STXBP5L: variants seen among roughly 807,000 people sequenced by gnomAD.
STXBP5L encodes the protein syntaxin-binding protein 5-like.
Under a neutral mutation model 144.5 loss-of-function variants are expected in STXBP5L, and 65 were observed. The observed-to-expected ratio is 0.45, with a 90% CI of 0.37 to 0.55. The LOEUF is 0.55. STXBP5L is among the 20% of genes least tolerant of loss of function. The probability of loss-of-function intolerance (pLI) is 0.00; values close to 1 mark genes in which losing one functional copy is unlikely to be tolerated. For synonymous variants in STXBP5L, 505 were observed against 469.6 expected (o/e 1.08, Z -0.97); for missense variants, 1,298 against 1,405.5 (o/e 0.92, Z 1.22).
At chr3:121,380,130 A>C (rs2046289725) in intron 21 of STXBP5L, among the ~76,000 whole-genome samples, 1 of 152,098 alleles carries the variant, frequency 6.6e-6, no homozygotes, top group Non-Finnish European at 1.5e-5. Flanking sequence ...ACTCTCAATC[A>C]CTGTAATGAG....
At chr3:121,399,545 A>G in intron 22 of STXBP5L, among the ~76,000 whole-genome samples, 1 of 152,206 alleles carries the variant, frequency 6.6e-6, no homozygotes, top group East Asian at 1.9e-4. Context: ...AGTCATTAGC[A>G]TTGTTTCTAT....
At chr3:121,228,236 A>C (rs576586416) in intron 11 of STXBP5L, among the ~76,000 whole-genome samples, 1 of 152,218 alleles carries the variant, frequency 6.6e-6, no homozygotes, top group South Asian at 2.1e-4. Flanking sequence ...CCCAACAAGG[A>C]CAGCATGAAG....
At chr3:121,170,949 A>C (rs1357383738) in intron 9 of STXBP5L, among the ~76,000 whole-genome samples, 1 of 152,240 alleles carries the variant, frequency 6.6e-6, no homozygotes, top group African/African-American at 2.4e-5. Context: ...TCAATAAAAT[A>C]CTGGTAAACC....
intron 20 of STXBP5L, among the ~76,000 whole-genome samples, chr3:121,355,623 G>C (rs780423473): frequency 6.6e-6 from 1 of 152,000 alleles, no homozygotes; most frequent in Non-Finnish European, 1.5e-5. Flanking sequence ...CCTTGTGATG[G>C]GTTCTAACCT....
At chr3:121,044,415 C>G (rs1421316967) in intron 4 of STXBP5L, among the ~76,000 whole-genome samples, 3 of 152,076 alleles carry the variant, frequency 2.0e-5, no homozygotes, top group African/African-American at 7.2e-5. Flanking sequence ...TAAATGCTAG[C>G]AATTTCAATA....
chr3:121,262,207 A>C (rs1298820634), intron 18 of STXBP5L, among the ~76,000 whole-genome samples: 45 of 152,334 alleles, frequency 3.0e-4, no homozygotes, highest in Non-Finnish European at 2.9e-5. Context: ...AGACCATAAC[A>C]TTGTGACCTT....
intron 18 of STXBP5L, among the ~76,000 whole-genome samples, chr3:121,275,084 T>G (rs1417647503): frequency 1.3e-5 from 2 of 152,206 alleles, no homozygotes; most frequent in African/African-American, 4.8e-5. Flanking sequence ...TTCCAGGTAC[T>G]CATCTGTTCT....
chr3:121,204,018 T>C (rs1385310419), intron 9 of STXBP5L, among the ~76,000 whole-genome samples: 1 of 152,072 alleles, frequency 6.6e-6, no homozygotes, highest in Admixed American at 6.6e-5. Flanking sequence ...AACAGGTGGA[T>C]CACGAGGTCA....
chr3:121,169,483 G>T (rs1577104105), intron 9 of STXBP5L, among the ~76,000 whole-genome samples: 1 of 152,082 alleles, frequency 6.6e-6, no homozygotes, highest in South Asian at 2.1e-4. Context: ...CAAAATAAAG[G>T]GATGGAGGAA....
At chr3:121,384,404 T>C (rs1051176617) in intron 22 of STXBP5L, among the ~76,000 whole-genome samples, 1 of 151,972 alleles carries the variant, frequency 6.6e-6, no homozygotes, top group African/African-American at 2.4e-5. Context: ...TGGCTCACAA[T>C]TGTAATCTCA....
chr3:121,020,699 A>T (rs1334412210), intron 3 of STXBP5L, among the ~76,000 whole-genome samples: 1 of 152,168 alleles, frequency 6.6e-6, no homozygotes, highest in Non-Finnish European at 1.5e-5. Flanking sequence ...TCTTTTTCAG[A>T]CAAACAAATT....
At chr3:121,230,128 G>A (rs1449679810) in intron 11 of STXBP5L, among the ~76,000 whole-genome samples, 2 of 152,232 alleles carry the variant, frequency 1.3e-5, no homozygotes, top group Admixed American at 1.3e-4. Context: ...TTAGCAGTGT[G>A]CTGAGATTAC....
chr3:120,979,002 A>T (rs996241949), intron 3 of STXBP5L, among the ~76,000 whole-genome samples: 1 of 152,060 alleles, frequency 6.6e-6, no homozygotes, highest in Non-Finnish European at 1.5e-5. Context: ...GGGGTCAGGG[A>T]CCCACTTGAG....
intron 7 of STXBP5L, among the ~76,000 whole-genome samples, chr3:121,144,101 A>T (rs545972754): frequency 6.6e-6 from 1 of 151,156 alleles, no homozygotes; most frequent in East Asian, 1.9e-4. Context: ...TAAAGCGTTA[A>T]TCTGCAAAAT....
chr3:121,100,796 C>CAA (rs536326221), intron 5 of STXBP5L, among the ~76,000 whole-genome samples: 1 of 131,142 alleles, frequency 7.6e-6, no homozygotes. Context: ...AATATATCGA[C>CAA]AAAAAAAAAA....
chr3:121,023,718 A>G (rs1331026240), intron 3 of STXBP5L, among the ~76,000 whole-genome samples: 1 of 152,200 alleles, frequency 6.6e-6, no homozygotes, highest in African/African-American at 2.4e-5. Flanking sequence ...CACTTTATAC[A>G]AAAATCAGCT....
intron 2 of STXBP5L, among the ~76,000 whole-genome samples, chr3:120,951,485 G>T (rs1210968951): frequency 2.6e-5 from 4 of 151,734 alleles, no homozygotes; most frequent in African/African-American, 4.8e-5. Context: ...CCATCAAAAA[G>T]TGGGCGAAGG....
intron 5 of STXBP5L, among the ~76,000 whole-genome samples, chr3:121,054,372 A>G (rs1254260412): frequency 6.6e-6 from 1 of 152,124 alleles, no homozygotes; most frequent in Non-Finnish European, 1.5e-5. Context: ...CTGGATGAAG[A>G]AAATGTGGCA....
intron 20 of STXBP5L, among the ~76,000 whole-genome samples, chr3:121,319,768 C>T (rs548340636): frequency 2.6e-4 from 40 of 152,154 alleles, no homozygotes; most frequent in South Asian, 2.5e-3. Flanking sequence ...TATAAATCTT[C>T]GATATAAAAT....
Sources: allele counts gnomAD v4.1 joint callset (sites outside exome capture counted in the v4.1 genomes callset), GRCh38; gene constraint gnomAD v4.1.1; transcripts MANE v1.5; gene names NCBI Gene and HGNC (gene_info 2026-07-23, HGNC 2026-07-21).